The following FAM174A variants were observed in gnomAD, a reference collection of about 807,000 sequenced individuals.
FAM174A encodes the protein membrane protein FAM174A.
A neutral mutation model predicts 14.3 loss-of-function variants in FAM174A; 14 were observed. That is an observed-to-expected ratio of 0.98 (90% CI 0.65 to 1.53). FAM174A has a LOEUF of 1.53. Ranked by LOEUF, FAM174A falls within the 40% of genes most tolerant of loss-of-function variation. The probability of loss-of-function intolerance (pLI) is 0.00; values close to 1 mark genes in which losing one functional copy is unlikely to be tolerated. For missense variants in FAM174A, 241 were observed against 249.6 expected, an observed-to-expected ratio of 0.97 and a Z score of 0.23; for synonymous variants, 108 against 111.4, an observed-to-expected ratio of 0.97 and a Z score of 0.19.
chr5:100,585,193 T>A (rs1747103526), intron 2 of FAM174A, among the ~76,000 whole-genome samples: 1 of 152,210 alleles, frequency 6.6e-6, no homozygotes, highest in African/African-American at 2.4e-5. Flanking sequence ...TGTACTATAG[T>A]TAATTTTCTA....
chr5:100,539,220 C>T (rs1746004309), intron 1 of FAM174A, among the ~76,000 whole-genome samples: 1 of 151,982 alleles, frequency 6.6e-6, no homozygotes. Flanking sequence ...ATTCAACTGA[C>T]CAGTACTGGG....
At chr5:100,557,557 A>G (rs1253679582) in intron 1 of FAM174A, among the ~76,000 whole-genome samples, 3 of 152,152 alleles carry the variant, frequency 2.0e-5, no homozygotes, top group African/African-American at 7.2e-5. Flanking sequence ...CTGTGAATCC[A>G]TCTGGTCCTG....
At chr5:100,558,901 T>G (rs1388345802) in intron 1 of FAM174A, among the ~76,000 whole-genome samples, 1 of 152,138 alleles carries the variant, frequency 6.6e-6, no homozygotes, top group Non-Finnish European at 1.5e-5. Context: ...AATTTGCCAG[T>G]CTGTGTCTTT....
At chr5:100,537,564 C>T (rs990586658) in intron 1 of FAM174A, among the ~76,000 whole-genome samples, 7 of 151,990 alleles carry the variant, frequency 4.6e-5, no homozygotes, top group Non-Finnish European at 2.9e-5. Flanking sequence ...AAACAGCAGG[C>T]GTAAGCAATA....
chr5:100,562,286 C>A, intron 2 of FAM174A, 98 bp downstream of exon 2: 3 of 1,114,112 alleles, frequency 2.7e-6, no homozygotes, highest in Non-Finnish European at 3.8e-6. Flanking sequence ...AGCTTATATT[C>A]CAACACAGTT....
intron 1 of FAM174A, among the ~76,000 whole-genome samples, chr5:100,555,580 T>C (rs1269518258): frequency 1.3e-5 from 2 of 151,962 alleles, no homozygotes; most frequent in Non-Finnish European, 2.9e-5. Flanking sequence ...CCACATCCTC[T>C]CTAGCACCTG....
rs1746008749 is a variant in FAM174A, at chr5:100,539,451, A to G, written c.434+3487A>G. ...ACCCAACCCTATACGCTAAGACACA[A>G]CGTTAGGTTTTTTCAAAGAACCATA... On this transcript the variant is annotated intron_variant, in intron 1 of 2. Transcript: ENST00000312637. 2.6e-5 allele frequency among the ~76,000 whole-genome samples: 4 copies of G among 152,258 alleles called. No individual in the cohort carries two copies. The South Asian group carries it at 8.3e-4, about 32-fold the overall frequency.
intron 1 of FAM174A, among the ~76,000 whole-genome samples, chr5:100,538,847 A>G (rs1745992666): frequency 6.6e-6 from 1 of 151,864 alleles, no homozygotes; most frequent in Non-Finnish European, 1.5e-5. Flanking sequence ...TTCTCTCCAC[A>G]GTAAAATGTA....
chr5:100,557,250 G>A (rs374880291), intron 1 of FAM174A, among the ~76,000 whole-genome samples: 18 of 152,136 alleles, frequency 1.2e-4, no homozygotes, highest in East Asian at 9.6e-4. Flanking sequence ...ATTGATTTGC[G>A]TATGTTGAAC....
chr5:100,561,092 C>T (rs975828699), intron 1 of FAM174A, among the ~76,000 whole-genome samples: 4 of 151,770 alleles, frequency 2.6e-5, no homozygotes, highest in African/African-American at 9.7e-5. Context: ...CCCACATAAA[C>T]ATATACATCA....
At chr5:100,554,995 G>C (rs1019572017) in intron 1 of FAM174A, among the ~76,000 whole-genome samples, 34 of 151,880 alleles carry the variant, frequency 2.2e-4, no homozygotes, top group African/African-American at 8.2e-4. Flanking sequence ...TGTTACATAT[G>C]TATACATGTG....
chr5:100,560,886 T>C (rs1257698410), intron 1 of FAM174A, among the ~76,000 whole-genome samples: 3 of 152,046 alleles, frequency 2.0e-5, no homozygotes, highest in Admixed American at 1.3e-4. Flanking sequence ...AGTTGTTGCA[T>C]TGGAGATGAC....
intron 1 of FAM174A, among the ~76,000 whole-genome samples, chr5:100,543,848 TCC>T (rs1746113758): frequency 6.6e-6 from 1 of 152,240 alleles, no homozygotes; most frequent in Non-Finnish European, 1.5e-5. Context: ...CTTGTTTAAC[TCC>T]TGGTTGTCTT....
chr5:100,575,208 A>G (rs1316069784), intron 2 of FAM174A, among the ~76,000 whole-genome samples: 2 of 152,024 alleles, frequency 1.3e-5, no homozygotes, highest in African/African-American at 4.8e-5. Context: ...TGCCTTTTCA[A>G]TTGCAGTACA....
intron 1 of FAM174A, among the ~76,000 whole-genome samples, chr5:100,552,128 G>T (rs548789910): frequency 1.2e-4 from 19 of 152,212 alleles, no homozygotes; most frequent in Non-Finnish European, 2.4e-4. Context: ...TGTCAGATTG[G>T]TCAAAAGAAT....
intron 1 of FAM174A, among the ~76,000 whole-genome samples, chr5:100,537,797 C>T (rs960420572): frequency 2.0e-5 from 3 of 152,150 alleles, no homozygotes. Context: ...TATAAAAATG[C>T]ATGGCCCCTT....
intron 2 of FAM174A, among the ~76,000 whole-genome samples, chr5:100,576,192 T>A (rs1248279983): frequency 1.3e-5 from 2 of 152,174 alleles, no homozygotes; most frequent in Non-Finnish European, 2.9e-5. Context: ...TTCTTTATAT[T>A]AAATTGAGCC....
chr5:100,541,673 C>T (rs997800893), intron 1 of FAM174A, among the ~76,000 whole-genome samples: 1 of 152,098 alleles, frequency 6.6e-6, no homozygotes, highest in Non-Finnish European at 1.5e-5. Flanking sequence ...AAATAAAGCT[C>T]TTGTCATAGG....
intron 1 of FAM174A, among the ~76,000 whole-genome samples, chr5:100,540,910 A>T (rs1014785182): frequency 1.3e-5 from 2 of 152,182 alleles, no homozygotes; most frequent in Non-Finnish European, 2.9e-5. Flanking sequence ...GGGTAAATGT[A>T]TGAGACTACC....
Sources: gnomAD v4.1 joint callset for allele counts (sites outside exome capture counted in the v4.1 genomes callset) on GRCh38, gnomAD v4.1.1 for gene constraint, MANE v1.5 for transcripts, NCBI Gene and HGNC (gene_info 2026-07-23, HGNC 2026-07-21) for gene names.